PTPRD: variants seen among roughly 807,000 people sequenced by gnomAD.
The protein encoded by PTPRD is receptor-type tyrosine-protein phosphatase delta.
Under a neutral mutation model 214.5 loss-of-function variants are expected in PTPRD, and 34 were observed. That is an observed-to-expected ratio of 0.16 (90% CI 0.12 to 0.21). The LOEUF is 0.21. Ranked by LOEUF, PTPRD falls within the 10% of genes least tolerant of loss-of-function variation. The pLI is 1.00. For missense variants in PTPRD, 2,545 were observed against 2,398.7 expected (o/e 1.06, Z -1.27); for synonymous variants, 1,128 against 845.7 (o/e 1.33, Z -5.79).
At chr9:10,126,650 T>C (rs1289528261) in intron 3 of PTPRD, among the ~76,000 whole-genome samples, 1 of 152,116 alleles carries the variant, frequency 6.6e-6, no homozygotes, top group African/African-American at 2.4e-5. Flanking sequence ...GAACACTAGA[T>C]TCTTTCTTTT....
intron 3 of PTPRD, among the ~76,000 whole-genome samples, chr9:10,146,662 C>T (rs758725962): frequency 6.6e-6 from 1 of 152,100 alleles, no homozygotes; most frequent in African/African-American, 2.4e-5. Flanking sequence ...ACTTATTTGG[C>T]TCTATTCAAC....
At chr9:8,686,240 T>C (rs1476561953) in intron 12 of PTPRD, among the ~76,000 whole-genome samples, 1 of 152,216 alleles carries the variant, frequency 6.6e-6, no homozygotes. Flanking sequence ...CTTAAAATAT[T>C]CAGTGACCAA....
intron 8 of PTPRD, among the ~76,000 whole-genome samples, chr9:9,398,989 A>G (rs1001717462): frequency 7.9e-5 from 12 of 152,068 alleles, no homozygotes; most frequent in African/African-American, 9.7e-5. Context: ...CATACCCACA[A>G]TGTCTCATAC....
At chr9:10,179,492 T>C (rs1476584479) in intron 3 of PTPRD, among the ~76,000 whole-genome samples, 2 of 152,034 alleles carry the variant, frequency 1.3e-5, no homozygotes, top group Admixed American at 6.6e-5. Flanking sequence ...AGAATAATAA[T>C]TTCAAGTTTT....
At chr9:10,559,156 A>T (rs1322309) in intron 2 of PTPRD, among the ~76,000 whole-genome samples, 2 of 151,956 alleles carry the variant, frequency 1.3e-5, no homozygotes, top group East Asian at 1.9e-4. Context: ...GAAGAGAAAG[A>T]TTTCTTAAAA....
intron 5 of PTPRD, among the ~76,000 whole-genome samples, chr9:9,906,182 A>C (rs1033828505): frequency 3.3e-5 from 5 of 151,948 alleles, no homozygotes; most frequent in African/African-American, 1.2e-4. Flanking sequence ...TAAGGAAAAG[A>C]AAAGAGGAGA....
chr9:8,598,215 G>A (rs1462627825), intron 14 of PTPRD, among the ~76,000 whole-genome samples: 1 of 152,108 alleles, frequency 6.6e-6, no homozygotes, highest in East Asian at 1.9e-4. Context: ...ACTCTGGGAG[G>A]CCGAGGAGGG....
chr9:10,583,879 C>G (rs1297891727), intron 2 of PTPRD, among the ~76,000 whole-genome samples: 1 of 152,084 alleles, frequency 6.6e-6, no homozygotes, highest in African/African-American at 2.4e-5. Context: ...TAAATAATGT[C>G]AAAGCACTGA....
chr9:8,516,886 C>G (rs778905146), intron 21 of PTPRD, among the ~76,000 whole-genome samples: 1 of 138,574 alleles, frequency 7.2e-6, no homozygotes, highest in Non-Finnish European at 1.5e-5. Context: ...TCACTGCAAA[C>G]TTGCAAACTC....
intron 5 of PTPRD, among the ~76,000 whole-genome samples, chr9:9,880,929 A>G (rs1001028670): frequency 6.6e-6 from 1 of 152,138 alleles, no homozygotes; most frequent in South Asian, 2.1e-4. Context: ...TGTGTTCGAA[A>G]TAGTTTAAGT....
chr9:8,928,173 G>C (rs1301886980), intron 11 of PTPRD, among the ~76,000 whole-genome samples: 2 of 152,138 alleles, frequency 1.3e-5, no homozygotes, highest in Non-Finnish European at 2.9e-5. Flanking sequence ...TCTGACGATA[G>C]TTTCTTTTGC....
At chr9:9,561,358 T>C (rs1401908079) in intron 8 of PTPRD, among the ~76,000 whole-genome samples, 3 of 152,214 alleles carry the variant, frequency 2.0e-5, no homozygotes, top group African/African-American at 4.8e-5. Context: ...AATCAAGCTG[T>C]AACCTAAACA....
At chr9:9,383,553 A>G (rs1339729731) in intron 9 of PTPRD, among the ~76,000 whole-genome samples, 1 of 152,174 alleles carries the variant, frequency 6.6e-6, no homozygotes, top group Non-Finnish European at 1.5e-5. Flanking sequence ...AAATGTCTTA[A>G]TGCTTTAAGC....
intron 3 of PTPRD, among the ~76,000 whole-genome samples, chr9:10,204,463 T>A (rs941761605): frequency 6.6e-6 from 1 of 152,182 alleles, no homozygotes; most frequent in African/African-American, 2.4e-5. Context: ...TCATGGCTGT[T>A]TCCAGTGAAT....
At chr9:9,650,801 G>A (rs904272259) in intron 7 of PTPRD, among the ~76,000 whole-genome samples, 1 of 151,920 alleles carries the variant, frequency 6.6e-6, no homozygotes, top group African/African-American at 2.4e-5. Context: ...TCTTCAGTAT[G>A]TCATATTTCA....
intron 11 of PTPRD, among the ~76,000 whole-genome samples, chr9:8,930,322 T>C (rs917092063): frequency 6.6e-6 from 1 of 152,128 alleles, no homozygotes; most frequent in Non-Finnish European, 1.5e-5. Context: ...TAGTATTCCA[T>C]GGTGTATATG....
chr9:9,501,905 GT>G (rs755662982), intron 8 of PTPRD, among the ~76,000 whole-genome samples: 15 of 151,786 alleles, frequency 9.9e-5, no homozygotes, highest in Non-Finnish European at 1.9e-4. Flanking sequence ...AGAAAACTTG[GT>G]GGGATGCCTC....
At chr9:9,230,588 G>T (rs992758916) in intron 9 of PTPRD, among the ~76,000 whole-genome samples, 1 of 151,982 alleles carries the variant, frequency 6.6e-6, no homozygotes, top group Non-Finnish European at 1.5e-5. Flanking sequence ...CTTCTAATTG[G>T]TACACTCTCA....
At chr9:10,347,788 T>A (rs1459391536) in intron 2 of PTPRD, among the ~76,000 whole-genome samples, 1 of 151,936 alleles carries the variant, frequency 6.6e-6, no homozygotes, top group Non-Finnish European at 1.5e-5. Flanking sequence ...CTGTGAGCAG[T>A]GGCTCACGCC....
Sources: allele counts gnomAD v4.1 joint callset (sites outside exome capture counted in the v4.1 genomes callset), GRCh38; gene constraint gnomAD v4.1.1; transcripts MANE v1.5; gene names NCBI Gene and HGNC (gene_info 2026-07-23, HGNC 2026-07-21).